The following MVB12B variants were observed in gnomAD, a reference collection of about 807,000 sequenced individuals.
MVB12B encodes multivesicular body subunit 12B.
Under a neutral mutation model 41.6 loss-of-function variants are expected in MVB12B, and 16 were observed. That is an observed-to-expected ratio of 0.38 (90% CI 0.26 to 0.58). The LOEUF (loss-of-function observed/expected upper bound fraction) is 0.58. Among genes scored for constraint, MVB12B ranks in the 20% least tolerant of loss-of-function variants. The pLI, the probability that MVB12B is intolerant of heterozygous loss-of-function variation, is 0.62. For missense variants in MVB12B, 274 were observed against 380.2 expected (o/e 0.72, Z 2.32); for synonymous variants, 133 against 139.7 (o/e 0.95, Z 0.34).
intron 7 of MVB12B, among the ~76,000 whole-genome samples, chr9:126,470,429 T>G (rs1452569693): frequency 2.0e-5 from 3 of 152,114 alleles, no homozygotes; most frequent in Non-Finnish European, 2.9e-5. Flanking sequence ...CCCTCTGTGC[T>G]CCCATAGCTT....
In MVB12B at chr9:126,326,961, G is replaced by T; in HGVS notation, c.32G>T (p.Arg11Leu). 3.7e-6 allele frequency: 1 copy of T among 267,224 alleles called. No homozygotes were observed. Among genetic ancestry groups the T allele is most frequent in the Non-Finnish European group, 7.6e-6 (1 of 132,050 alleles). The allele number at this position is 267,224 out of a possible 1,614,324, so 16.6% of individuals were successfully genotyped here. The change falls in exon 1 of 10, where the codon CGG (arginine) becomes CTG (leucine). Residue 11 changes from arginine (R) to leucine (L), a missense_variant. Transcript: ENST00000361171. Reference protein sequence around the residue: MRSCFCVRRSRDPPPPQPPPP... With the variant: MRSCFCVRRSLDPPPPQPPPP... Reference sequence around the variant, plus strand: ...AGCTGCTTCTGCGTGAGACGGAGCCGGGACCCGCCGCCGCCGCAGCCACCG... The same window carrying T: ...AGCTGCTTCTGCGTGAGACGGAGCCTGGACCCGCCGCCGCCGCAGCCACCG...
chr9:126,457,172 C>T (rs774373951), intron 7 of MVB12B, among the ~76,000 whole-genome samples: 91 of 152,352 alleles, frequency 6.0e-4, no homozygotes, highest in Non-Finnish European at 1.0e-3. Context: ...TCAGCTCCTT[C>T]CCTTACCCAC....
chr9:126,474,191 C>T (rs879646685), intron 7 of MVB12B, among the ~76,000 whole-genome samples: 1 of 152,208 alleles, frequency 6.6e-6, no homozygotes, highest in Non-Finnish European at 1.5e-5. Context: ...ATGTGTGTCT[C>T]GTTCCCAGCT....
At chr9:126,462,628 A>G (rs1194304095) in intron 7 of MVB12B, among the ~76,000 whole-genome samples, 1 of 152,214 alleles carries the variant, frequency 6.6e-6, no homozygotes, top group Admixed American at 6.5e-5. Context: ...ATTTCAACTC[A>G]TGTTGCCTCT....
intron 6 of MVB12B, among the ~76,000 whole-genome samples, chr9:126,402,582 C>T (rs12379582): frequency 0.17 from 25,972 of 152,122 alleles, 2,394 homozygotes; most frequent in Middle Eastern, 0.28. Flanking sequence ...ATCAAGGCTG[C>T]AGTGAGCTGT....
intron 7 of MVB12B, among the ~76,000 whole-genome samples, chr9:126,475,000 G>C (rs946908586): frequency 3.3e-5 from 5 of 152,154 alleles, no homozygotes; most frequent in Admixed American, 3.3e-4. Flanking sequence ...ATGATGCTCC[G>C]TTTAAATAGT....
intron 2 of MVB12B, among the ~76,000 whole-genome samples, chr9:126,364,719 T>C (rs1050263089): frequency 3.3e-5 from 5 of 152,214 alleles, no homozygotes; most frequent in African/African-American, 7.2e-5. Flanking sequence ...TTTGGCTTGA[T>C]AGAAAAACTC....
intron 9 of MVB12B, among the ~76,000 whole-genome samples, chr9:126,487,075 C>A (rs963570901): frequency 6.6e-6 from 1 of 152,230 alleles, no homozygotes; most frequent in Non-Finnish European, 1.5e-5. Context: ...TGGCCACCCC[C>A]AGGAGGTGCA....
chr9:126,400,971 A>C (rs1347819121), intron 6 of MVB12B, among the ~76,000 whole-genome samples: 3 of 152,174 alleles, frequency 2.0e-5, no homozygotes, highest in Non-Finnish European at 4.4e-5. Context: ...TTATGTGAAC[A>C]TCCATCCTGC....
rs942712069 is a variant in MVB12B, at chr9:126,505,358, C to T, written c.*2095C>T. Reference sequence around the variant, plus strand: ...CCCCCACTGATGCCGCTGCAGGCCCCTGTCGAGCTGGGGTCCCAGCCAGGT... The same window carrying T: ...CCCCCACTGATGCCGCTGCAGGCCCTTGTCGAGCTGGGGTCCCAGCCAGGT... On this transcript the variant is annotated 3_prime_UTR_variant, in exon 10 of 10. Coordinates refer to ENST00000361171, the MANE Select transcript of MVB12B (RefSeq NM_033446.3). 6.6e-6 allele frequency: 1 copy of T among 152,208 alleles called. No individual in the cohort carries two copies. The highest frequency in any genetic ancestry group is 1.9e-4 in the East Asian group (1 of 5,180). 9.4% of individuals were successfully genotyped at this position (152,208 alleles called of 1,614,324 possible). A position where few individuals can be genotyped will look rare whatever the true frequency, so the allele number is the denominator to read the frequency against.
intron 7 of MVB12B, among the ~76,000 whole-genome samples, chr9:126,454,600 A>G (rs1233088039): frequency 1.3e-5 from 2 of 152,252 alleles, no homozygotes; most frequent in Non-Finnish European, 2.9e-5. Context: ...TGCAGTGGCC[A>G]GGGGTATGGA....
At chr9:126,400,884 A>G (rs1460047917) in intron 6 of MVB12B, among the ~76,000 whole-genome samples, 6 of 152,302 alleles carry the variant, frequency 3.9e-5, no homozygotes, top group African/African-American at 1.4e-4. Flanking sequence ...GATGGGTGGT[A>G]TTCTGTCCCT....
At chr9:126,481,295 C>A in intron 7 of MVB12B, 74 bp from the exon 8 acceptor site, 1 of 1,234,300 alleles carries the variant, frequency 8.1e-7, no homozygotes, top group Non-Finnish European at 1.2e-6. Flanking sequence ...TCTGTTTCGA[C>A]ATCTTCAGTT....
chr9:126,344,225 C>T (rs1829528891), intron 2 of MVB12B, among the ~76,000 whole-genome samples: 1 of 152,152 alleles, frequency 6.6e-6, no homozygotes, highest in South Asian at 2.1e-4. Flanking sequence ...CTTCATGAAG[C>T]ACACAGTCTG....
At chr9:126,341,095 C>A (rs1829432991) in intron 2 of MVB12B, among the ~76,000 whole-genome samples, 1 of 152,212 alleles carries the variant, frequency 6.6e-6, no homozygotes, top group African/African-American at 2.4e-5. Context: ...AGCTGTATCA[C>A]CTCTTTGCTG....
In MVB12B at chr9:126,333,040, G is replaced by A. The variant is rs1373101940; in HGVS notation, c.81+6030G>A. Among the ~76,000 whole-genome samples the A allele has an allele frequency of 6.6e-6, 1 of 152,172 alleles. No homozygotes were observed. The highest frequency in any genetic ancestry group is 2.4e-5 in the African/African-American group (1 of 41,416). On this transcript the variant is annotated intron_variant, in intron 1 of 9. Transcript: ENST00000361171. This position sits in a 1 kb window ranked among gnomAD's most constrained non-coding sequence, Gnocchi z 4.7. ...CTGAGTGGTGGCACCTGTCTGACTG[G>A]GAAATTGGAGAAAGTTTGAGGGGAA...
intron 9 of MVB12B, among the ~76,000 whole-genome samples, chr9:126,487,613 A>C (rs1204612730): frequency 2.6e-5 from 4 of 152,152 alleles, no homozygotes; most frequent in Non-Finnish European, 5.9e-5. Context: ...CACACACACA[A>C]AAATAGCCAG....
rs1340857093 is a variant in MVB12B at position 126,367,089 on chromosome 9, C to T, written c.205-13975C>T. Reference sequence around the variant, plus strand: ...TCAGGCATTTCTTCATCTTTTCATCCTCCTCTTCTGTCTCTGCTACCAGCT... The same window carrying T: ...TCAGGCATTTCTTCATCTTTTCATCTTCCTCTTCTGTCTCTGCTACCAGCT... On this transcript the variant is annotated intron_variant, in intron 2 of 9. Coordinates refer to ENST00000361171, the MANE Select transcript of MVB12B (RefSeq NM_033446.3). The surrounding 1 kb of genome is among the most constrained non-coding windows in gnomAD (Gnocchi z 4.3). Among the ~76,000 whole-genome samples, 1 of 151,998 alleles carries T rather than the reference C, an allele frequency of 6.6e-6. No individual in the cohort carries two copies. The highest frequency in any genetic ancestry group is 1.5e-5 in the Non-Finnish European group (1 of 68,000).
Position 126,478,913 on chromosome 9 carries a change from A to G in MVB12B, c.758-2456A>G, listed in dbSNP as rs570550232. ...AGGCAGTTCTTCACTCCCAAATACT[A>G]ATAAGGTCTTTAAAACATCAGAGGC... On this transcript the variant is annotated intron_variant, in intron 7 of 9. Transcript: ENST00000361171. The surrounding 1 kb of genome is among the most constrained non-coding windows in gnomAD (Gnocchi z 4.2). 7.2e-5 allele frequency among the ~76,000 whole-genome samples: 11 copies of G among 152,282 alleles called. No homozygotes were observed. The South Asian group carries it at 1.5e-3, about 20-fold the overall frequency.
Sources: allele counts gnomAD v4.1 joint callset (sites outside exome capture counted in the v4.1 genomes callset), GRCh38; gene constraint gnomAD v4.1.1; non-coding constraint Gnocchi (gnomAD v3.1); transcripts MANE v1.5; gene names NCBI Gene and HGNC (gene_info 2026-07-23, HGNC 2026-07-21).